The following FNBP1 variants were observed in gnomAD, a reference collection of about 807,000 sequenced individuals.
FNBP1 encodes the protein formin binding protein 1.
In FNBP1, 26 loss-of-function variants were observed where a neutral mutation model predicts 90.6. The observed-to-expected ratio is 0.29, with a 90% CI of 0.21 to 0.40. The LOEUF is 0.40. FNBP1 is among the 10% of genes least tolerant of loss of function. FNBP1 has a pLI of 1.00. For missense variants in FNBP1, 635 were observed against 768.0 expected (o/e 0.83, Z 2.05); for synonymous variants, 260 against 265.2 (o/e 0.98, Z 0.19).
At chr9:130,014,490 G>A (rs937203954) in intron 1 of FNBP1, among the ~76,000 whole-genome samples, 2 of 151,924 alleles carry the variant, frequency 1.3e-5, no homozygotes, top group East Asian at 1.9e-4. Context: ...GACCTCAAGC[G>A]ATCCACCTGC....
intron 1 of FNBP1, among the ~76,000 whole-genome samples, chr9:130,023,571 TG>T (rs1342929672): frequency 6.6e-6 from 1 of 152,150 alleles, no homozygotes; most frequent in Non-Finnish European, 1.5e-5. Flanking sequence ...CGGAGGAGAC[TG>T]TGTTGCAAGA....
intron 2 of FNBP1, among the ~76,000 whole-genome samples, chr9:129,984,897 A>G (rs1399813304): frequency 6.6e-6 from 1 of 152,090 alleles, no homozygotes; most frequent in African/African-American, 2.4e-5. Flanking sequence ...AGGCCTCCCC[A>G]GCCATGTGGA....
At chr9:129,948,839 C>T (rs1208534492) in intron 6 of FNBP1, among the ~76,000 whole-genome samples, 1 of 151,902 alleles carries the variant, frequency 6.6e-6, no homozygotes, top group Non-Finnish European at 1.5e-5. Context: ...CTATGCCTGG[C>T]CCAAAACAGC....
chr9:129,904,615 G>C (rs925051087), intron 12 of FNBP1, among the ~76,000 whole-genome samples: 1 of 152,184 alleles, frequency 6.6e-6, no homozygotes, highest in Non-Finnish European at 1.5e-5. Flanking sequence ...GCTTCTACAA[G>C]TCCTCACCAC....
chr9:129,937,494 A>G (rs1014967142), intron 6 of FNBP1, among the ~76,000 whole-genome samples: 2 of 152,108 alleles, frequency 1.3e-5, no homozygotes, highest in African/African-American at 4.8e-5. Context: ...GCACTTTGGG[A>G]GGCTGAGGCG....
chr9:129,913,600 G>A (rs542528236), intron 11 of FNBP1, among the ~76,000 whole-genome samples: 12 of 152,022 alleles, frequency 7.9e-5, no homozygotes, highest in South Asian at 6.2e-4. Flanking sequence ...GTGAAACCCC[G>A]TCTCTACTAA....
chr9:129,941,140 G>A (rs989122251), intron 6 of FNBP1, among the ~76,000 whole-genome samples: 14 of 152,004 alleles, frequency 9.2e-5, no homozygotes, highest in Admixed American at 2.0e-4. Context: ...TGTAATCCCC[G>A]CACTTTGGGA....
intron 1 of FNBP1, among the ~76,000 whole-genome samples, chr9:130,002,057 G>A (rs974605870): frequency 2.8e-4 from 41 of 145,318 alleles, no homozygotes; most frequent in East Asian, 4.0e-4. Context: ...AGCCGGGCAT[G>A]GAGACCCATG....
At chr9:129,929,514 TC>T in intron 7 of FNBP1, 52 bp downstream of exon 7, 1 of 1,576,838 alleles carries the variant, frequency 6.3e-7, no homozygotes, top group Non-Finnish European at 8.7e-7. Context: ...GTGTCATGTT[TC>T]TAAGGAAAGC....
intron 1 of FNBP1, among the ~76,000 whole-genome samples, chr9:129,996,455 A>C (rs2054017325): frequency 6.6e-6 from 1 of 152,158 alleles, no homozygotes; most frequent in Non-Finnish European, 1.5e-5. Flanking sequence ...AACAGTCATA[A>C]ATGAGGGTTC....
At chr9:129,905,708 CCT>C (rs2037906277) in intron 12 of FNBP1, among the ~76,000 whole-genome samples, 3 of 152,172 alleles carry the variant, frequency 2.0e-5, no homozygotes, top group East Asian at 1.9e-4. Context: ...GTGATTTTTA[CCT>C]CTGTTTTTAA....
intron 6 of FNBP1, among the ~76,000 whole-genome samples, chr9:129,937,892 G>A (rs2043719822): frequency 6.6e-6 from 1 of 152,134 alleles, no homozygotes; most frequent in Admixed American, 6.6e-5. Context: ...GCTGGCCGCG[G>A]TGGCTCATGC....
chr9:129,967,526 AG>A (rs1220997186), intron 4 of FNBP1, among the ~76,000 whole-genome samples: 1 of 151,898 alleles, frequency 6.6e-6, no homozygotes, highest in Non-Finnish European at 1.5e-5. Flanking sequence ...AAAAAAAAAA[AG>A]TTTGTTTTGG....
chr9:130,052,045 C>A, the FNBP1 span, among the ~76,000 whole-genome samples: 1 of 152,192 alleles, frequency 6.6e-6, no homozygotes, highest in Non-Finnish European at 1.5e-5. Flanking sequence ...TTTCTTGAAA[C>A]TATGAAATCA....
chr9:129,939,541 G>A (rs1259246466), intron 6 of FNBP1, among the ~76,000 whole-genome samples: 1 of 152,126 alleles, frequency 6.6e-6, no homozygotes, highest in East Asian at 1.9e-4. Context: ...GAAACTTCTT[G>A]TGACCACAGA....
At chr9:130,025,622 A>C (rs1254917351) in intron 1 of FNBP1, among the ~76,000 whole-genome samples, 1 of 152,190 alleles carries the variant, frequency 6.6e-6, no homozygotes, top group Non-Finnish European at 1.5e-5. Context: ...CTCGACATGG[A>C]ATTCAAGATA....
chr9:130,024,193 T>C (rs2058121770), intron 1 of FNBP1, among the ~76,000 whole-genome samples: 1 of 152,112 alleles, frequency 6.6e-6, no homozygotes, highest in South Asian at 2.1e-4. Flanking sequence ...GAGGATCACT[T>C]GAGGCCAGGA....
At position 129,895,842 on chromosome 9, in the gene FNBP1, G is replaced by A. The variant is rs747055835; in HGVS notation, c.1842C>T (p.Ala614=). 1 of 1,601,276 alleles carries A rather than the reference G, an allele frequency of 6.2e-7. No homozygotes were observed. The highest frequency in any genetic ancestry group is 8.5e-7 in the Non-Finnish European group (1 of 1,175,096). Residue 614 remains alanine, a synonymous_variant, in exon 16 of 17, where the codon GCC becomes GCT. Coordinates refer to ENST00000446176, the MANE Select transcript of FNBP1 (RefSeq NM_015033.3). ...SYVEVCLDKN[A]KDS Reference sequence around the variant, plus strand: ...ATTAAATATAAGTCTTAGCACCTTTGGCATTTTTGTCCAAACAGACTTCGA... The same window carrying A: ...ATTAAATATAAGTCTTAGCACCTTTAGCATTTTTGTCCAAACAGACTTCGA...
chr9:130,052,778 C>T, the FNBP1 span, among the ~76,000 whole-genome samples: 1 of 151,740 alleles, frequency 6.6e-6, no homozygotes, highest in Non-Finnish European at 1.5e-5. Context: ...AATTTAAAAC[C>T]AGAGATTTTC....
Sources: gnomAD v4.1 joint callset for allele counts (sites outside exome capture counted in the v4.1 genomes callset) on GRCh38, gnomAD v4.1.1 for gene constraint, MANE v1.5 for transcripts, NCBI Gene and HGNC (gene_info 2026-07-23, HGNC 2026-07-21) for gene names.